The following CACNA1E variants were observed in gnomAD, a reference collection of about 807,000 sequenced individuals.
CACNA1E encodes voltage-dependent R-type calcium channel subunit alpha-1E.
A neutral mutation model predicts 259.2 loss-of-function variants in CACNA1E; 40 were observed. The observed-to-expected ratio is 0.15, with a 90% CI of 0.12 to 0.20. The LOEUF (loss-of-function observed/expected upper bound fraction) is 0.20, where lower values mean the gene tolerates loss of function less well. Among genes scored for constraint, CACNA1E ranks in the 10% least tolerant of loss-of-function variants. The probability of loss-of-function intolerance (pLI) is 1.00; values close to 1 mark genes in which losing one functional copy is unlikely to be tolerated. For missense variants in CACNA1E, 1,874 were observed against 3,040.1 expected (o/e 0.62, Z 9.02); for synonymous variants, 1,104 against 1,138.5 (o/e 0.97, Z 0.61).
chr1:181,517,786 T>C (rs1423071214), intron 3 of CACNA1E, among the ~76,000 whole-genome samples: 1 of 152,136 alleles, frequency 6.6e-6, no homozygotes, highest in Non-Finnish European at 1.5e-5. Flanking sequence ...TAGGTATTTT[T>C]AGAGGGTTTT....
At chr1:181,352,376 G>A (rs1653103967) in intron 1 of CACNA1E, among the ~76,000 whole-genome samples, 1 of 152,152 alleles carries the variant, frequency 6.6e-6, no homozygotes, top group Non-Finnish European at 1.5e-5. Flanking sequence ...GTCCTTGGCT[G>A]GCTTTAGTTC....
chr1:181,557,762 T>C (rs947163970), intron 3 of CACNA1E, among the ~76,000 whole-genome samples: 3 of 152,116 alleles, frequency 2.0e-5, no homozygotes, highest in South Asian at 2.1e-4. Flanking sequence ...TCAGTGCTCA[T>C]GAGAGGAGGG....
At chr1:181,795,377 C>G (rs547716565) in intron 46 of CACNA1E, among the ~76,000 whole-genome samples, 1 of 152,196 alleles carries the variant, frequency 6.6e-6, no homozygotes, top group South Asian at 2.1e-4. Context: ...ACTGTAAGGA[C>G]TGAACTTTAA....
chr1:181,699,606 A>G (rs1652037473), intron 7 of CACNA1E, among the ~76,000 whole-genome samples: 1 of 152,168 alleles, frequency 6.6e-6, no homozygotes, highest in Non-Finnish European at 1.5e-5. Context: ...CCTGCTATGA[A>G]GGAAATAGGG....
intron 2 of CACNA1E, among the ~76,000 whole-genome samples, chr1:181,453,438 G>C (rs1661279049): frequency 6.6e-6 from 1 of 152,104 alleles, no homozygotes; most frequent in Admixed American, 6.6e-5. Context: ...GCTCTGTAAA[G>C]GATACAGATT....
chr1:181,575,364 C>T (rs912175752), intron 3 of CACNA1E, among the ~76,000 whole-genome samples: 1 of 152,194 alleles, frequency 6.6e-6, no homozygotes, highest in African/African-American at 2.4e-5. Context: ...CAAATGCCAC[C>T]TTTTTCCTTC....
chr1:181,613,947 T>C (rs556913720), intron 6 of CACNA1E, among the ~76,000 whole-genome samples: 49 of 152,194 alleles, frequency 3.2e-4, no homozygotes, highest in African/African-American at 1.2e-3. Context: ...GCCAAATATC[T>C]TTCTAAAATT....
intron 1 of CACNA1E, among the ~76,000 whole-genome samples, chr1:181,505,454 C>T (rs779666943): frequency 2.6e-5 from 4 of 152,128 alleles, no homozygotes; most frequent in Non-Finnish European, 4.4e-5. Context: ...TCACTGCAAG[C>T]TCTGCCTCCC....
intron 6 of CACNA1E, among the ~76,000 whole-genome samples, chr1:181,591,377 C>T (rs1390553872): frequency 6.6e-6 from 1 of 152,176 alleles, no homozygotes; most frequent in Admixed American, 6.5e-5. Flanking sequence ...CACACTATTA[C>T]CTTTCTGTAT....
intron 6 of CACNA1E, among the ~76,000 whole-genome samples, chr1:181,604,405 C>A (rs909846860): frequency 6.6e-6 from 1 of 152,120 alleles, no homozygotes; most frequent in African/African-American, 2.4e-5. Context: ...ATGAAAAGGG[C>A]CAGCTGAGGG....
At position 181,721,841 on chromosome 1, in the gene CACNA1E, C is replaced by T. The variant is rs1558306359; in HGVS notation, c.2040C>T (p.Ala680=). The change falls in exon 16 of 48, where the codon GCC becomes GCT. Residue 680 remains alanine, a synonymous_variant. Coordinates refer to ENST00000367573, the MANE Select transcript of CACNA1E (RefSeq NM_001205293.3). ...GGGTCAGCTCAGGCATGTGGTCTGC[C>T]ATCTACTTCATTGTGCTCACCTTGT... ...QGGVSSGMWS[A]IYFIVLTLFG... The T allele has an allele frequency of 1.2e-6, 2 of 1,612,482 alleles. No individual in the cohort carries two copies. Among genetic ancestry groups the T allele is most frequent in the East Asian group, 2.2e-5 (1 of 44,886 alleles).
intron 32 of CACNA1E, among the ~76,000 whole-genome samples, chr1:181,761,879 C>T (rs183218569): frequency 6.6e-6 from 1 of 152,294 alleles, no homozygotes; most frequent in Non-Finnish European, 1.5e-5. Flanking sequence ...CTTCAGCCCA[C>T]TCATTGTATT....
intron 7 of CACNA1E, among the ~76,000 whole-genome samples, chr1:181,665,102 A>T (rs1052444616): frequency 1.3e-5 from 2 of 151,944 alleles, no homozygotes; most frequent in African/African-American, 4.8e-5. Flanking sequence ...CCATGCTCTA[A>T]CTTAGTATAG....
intron 7 of CACNA1E, among the ~76,000 whole-genome samples, chr1:181,699,027 G>A (rs1233921395): frequency 1.3e-5 from 2 of 152,182 alleles, no homozygotes; most frequent in African/African-American, 4.8e-5. Context: ...TTCATATAGA[G>A]TGTCAAAGAA....
At chr1:181,793,578 T>A in intron 44 of CACNA1E, 87 bp from the exon 45 acceptor site, 2 of 1,439,772 alleles carry the variant, frequency 1.4e-6, no homozygotes, top group South Asian at 2.7e-5. Context: ...TGAAAGCCAT[T>A]CTTGAGGAGG....
At chr1:181,738,496 GCCCTT>G in intron 24 of CACNA1E, 70 bp downstream of exon 24, 2 of 1,269,798 alleles carry the variant, frequency 1.6e-6, no homozygotes, top group Non-Finnish European at 2.3e-6. Context: ...TTAGGCTAGA[GCCCTT>G]CCTCAGTGTT....
rs1337866196 is a variant in CACNA1E, at chr1:181,796,706, C to T, written c.6247C>T (p.Arg2083Trp). 3.1e-6 allele frequency: 5 copies of T among 1,610,326 alleles called. No homozygotes were observed. The highest frequency in any genetic ancestry group is 2.2e-5 in the East Asian group (1 of 44,768). ...SDTHRSGGRE[R>W]GRSKERKHLL... ...CACTCACCGCTCAGGGGGCAGGGAG[C>T]GGGGACGATCAAAAGAGCGAAAGCA... The change falls in exon 47 of 48, where the codon CGG (arginine) becomes TGG (tryptophan). Residue 2083 changes from arginine (R) to tryptophan (W), a missense_variant. By Grantham distance (101) the Arg-to-Trp change is moderately radical (BLOSUM62 -3). This residue lies in a region of CACNA1E where 542 missense variants were observed against 587.2 expected (regional missense o/e 0.92). Transcript: ENST00000367573.
At chr1:181,769,657 GCA>G (rs1659331579) in intron 35 of CACNA1E, among the ~76,000 whole-genome samples, 1 of 152,136 alleles carries the variant, frequency 6.6e-6, no homozygotes, top group Admixed American at 6.5e-5. Flanking sequence ...GTGCAAAATC[GCA>G]GTGTGCTCTG....
chr1:181,382,468 G>T (rs1309656512), intron 1 of CACNA1E, among the ~76,000 whole-genome samples: 2 of 152,170 alleles, frequency 1.3e-5, no homozygotes, highest in African/African-American at 4.8e-5. Flanking sequence ...TAGTTCAGGT[G>T]CATCCAGTGA....
Sources: allele counts gnomAD v4.1 joint callset (sites outside exome capture counted in the v4.1 genomes callset), GRCh38; gene constraint gnomAD v4.1.1; regional missense constraint gnomAD v4.1.1; transcripts MANE v1.5; gene names NCBI Gene and HGNC (gene_info 2026-07-23, HGNC 2026-07-21).